CRB1: variants seen among roughly 807,000 people sequenced by gnomAD.
The protein encoded by CRB1 is protein crumbs homolog 1.
CRB1 carries 83 observed loss-of-function variants against 120.0 expected under a neutral mutation model. That is an observed-to-expected ratio of 0.69 (90% CI 0.58 to 0.83). The LOEUF (loss-of-function observed/expected upper bound fraction) is 0.83. CRB1 is among the 40% of genes least tolerant of loss of function. The pLI is 0.00. For missense variants in CRB1, 1,699 were observed against 1,687.6 expected (o/e 1.01, Z -0.12); for synonymous variants, 625 against 612.5 (o/e 1.02, Z -0.30).
At chr1:197,332,234 A>G (rs1658901646) in intron 2 of CRB1, among the ~76,000 whole-genome samples, 2 of 152,158 alleles carry the variant, frequency 1.3e-5, no homozygotes, top group Non-Finnish European at 2.9e-5. Context: ...ATCATAAGGC[A>G]CTTCACCTTA....
chr1:197,377,270 A>G (rs770475965), intron 5 of CRB1, among the ~76,000 whole-genome samples: 1 of 152,126 alleles, frequency 6.6e-6, no homozygotes, highest in Non-Finnish European at 1.5e-5. Flanking sequence ...ATTGTCCACC[A>G]TGAAATAGAC....
chr1:197,315,808 A>T (rs747551792), intron 1 of CRB1, among the ~76,000 whole-genome samples: 37 of 152,230 alleles, frequency 2.4e-4, no homozygotes, highest in Non-Finnish European at 1.2e-4. Context: ...GTTTTGGGTG[A>T]ATTCAGTATC....
rs945261009 is a variant in CRB1 at position 197,336,584 on chromosome 1, A to G, written c.652+7581A>G. 2.6e-5 allele frequency among the ~76,000 whole-genome samples: 4 copies of G among 152,334 alleles called. No homozygotes were observed. In the East Asian group the frequency reaches 7.7e-4, roughly 29 times the overall value. On this transcript the variant is annotated intron_variant, in intron 2 of 11. Transcript: ENST00000367400. ...AGAGTCATTTGAAGTAGTTTTTATGAATAAATGAAGTTTCCAGGTTTTGAC... is the reference window on the plus strand; with the variant it reads ...AGAGTCATTTGAAGTAGTTTTTATGGATAAATGAAGTTTCCAGGTTTTGAC...
rs141907831 is a variant in CRB1, at chr1:197,349,838, C to T, written c.988+2359C>T. Reference sequence around the variant, plus strand: ...AAATTTGGCTGGGCGCGGTGGCTCACGCCTGTAATCCCAGCACTTTGGGAG... The same window carrying T: ...AAATTTGGCTGGGCGCGGTGGCTCATGCCTGTAATCCCAGCACTTTGGGAG... On this transcript the variant is annotated intron_variant, in intron 4 of 11. Transcript: ENST00000367400. Among the ~76,000 whole-genome samples the T allele has an allele frequency of 2.9e-3, 441 of 152,156 alleles. 5 individuals are homozygous for T. Among genetic ancestry groups the T allele is most frequent in the African/African-American group, 0.01 (418 of 41,512 alleles).
intron 1 of CRB1, among the ~76,000 whole-genome samples, chr1:197,295,823 G>A (rs1014786958): frequency 4.9e-4 from 74 of 152,072 alleles, no homozygotes; most frequent in Non-Finnish European, 5.9e-5. Context: ...GAGACCTTGT[G>A]TACCTAGGAT....
rs140198747 is a variant in CRB1 at position 197,333,311 on chromosome 1, T to C, written c.652+4308T>C. On this transcript the variant is annotated intron_variant, in intron 2 of 11. Transcript: ENST00000367400. ...ACTGAAGAGGCTGGTGAGAATCTGC[T>C]GTGCATAAGCAAAAACTCCAATTGA... 1.5e-4 allele frequency among the ~76,000 whole-genome samples: 23 copies of C among 152,342 alleles called. 1 individual carries two copies. In the East Asian group the frequency reaches 4.0e-3, roughly 27 times the overall value.
At chr1:197,222,393 G>T in the CRB1 span, 3 of 765,932 alleles carry the variant, frequency 3.9e-6, no homozygotes, top group South Asian at 4.0e-5. Context: ...TTCTTGGCCA[G>T]GACTTGCAGT....
At chr1:197,363,998 G>A (rs1571400180) in intron 5 of CRB1, 11 of 1,387,016 alleles carry the variant, frequency 7.9e-6, no homozygotes, top group East Asian at 4.6e-5. Context: ...GAAAAGTGCC[G>A]GCGGATCTAC....
intron 1 of CRB1, among the ~76,000 whole-genome samples, chr1:197,326,700 A>T (rs192832719): frequency 5.3e-5 from 8 of 152,154 alleles, no homozygotes; most frequent in Middle Eastern, 6.8e-3. Context: ...CTTGCAAAAA[A>T]CAAGGGAGCT....
chr1:197,289,592 A>G (rs374615752), intron 1 of CRB1, among the ~76,000 whole-genome samples: 2 of 151,946 alleles, frequency 1.3e-5, no homozygotes, highest in East Asian at 1.9e-4. Flanking sequence ...CACTTTGAAT[A>G]TGGTCTCTTC....
intron 11 of CRB1, among the ~76,000 whole-genome samples, chr1:197,445,510 T>C (rs1167621205): frequency 6.6e-6 from 1 of 152,224 alleles, no homozygotes; most frequent in African/African-American, 2.4e-5. Context: ...TCTTTTCAAT[T>C]ATCTTTTTTC....
intron 5 of CRB1, among the ~76,000 whole-genome samples, chr1:197,370,671 T>C (rs1426715726): frequency 6.6e-6 from 1 of 152,202 alleles, no homozygotes; most frequent in African/African-American, 2.4e-5. Flanking sequence ...AAAAGCAATG[T>C]TAAGAGGAAA....
chr1:197,294,898 G>A (rs1427731571), intron 1 of CRB1, among the ~76,000 whole-genome samples: 4 of 152,064 alleles, frequency 2.6e-5, no homozygotes, highest in Admixed American at 2.0e-4. Context: ...ACACACCAGA[G>A]CCTGTCGTGG....
chr1:197,472,148 C>T (rs770553256), intron 11 of CRB1, among the ~76,000 whole-genome samples: 6 of 152,112 alleles, frequency 3.9e-5, no homozygotes, highest in African/African-American at 1.4e-4. Flanking sequence ...GTTTCAGAAA[C>T]GCACATATTG....
intron 1 of CRB1, among the ~76,000 whole-genome samples, chr1:197,307,196 A>C (rs919720440): frequency 4.6e-5 from 7 of 152,170 alleles, no homozygotes; most frequent in African/African-American, 1.7e-4. Flanking sequence ...ACTGATAGTA[A>C]AACTTCAGAC....
At chr1:197,358,475 G>A (rs746722879) in intron 5 of CRB1, among the ~76,000 whole-genome samples, 8 of 152,148 alleles carry the variant, frequency 5.3e-5, no homozygotes, top group Admixed American at 1.3e-4. Context: ...AAAGTGTTGG[G>A]CTTGATTTCT....
the CRB1 span, among the ~76,000 whole-genome samples, chr1:197,223,618 ACTT>A: frequency 6.6e-6 from 1 of 152,334 alleles, no homozygotes; most frequent in African/African-American, 2.4e-5. Context: ...TGAATGTTTA[ACTT>A]CTTTACACAG....
At chr1:197,207,367 T>C in the CRB1 span, among the ~76,000 whole-genome samples, 1 of 152,156 alleles carries the variant, frequency 6.6e-6, no homozygotes, top group Non-Finnish European at 1.5e-5. Context: ...TGAGGATTTG[T>C]TCCAAGATTT....
intron 1 of CRB1, among the ~76,000 whole-genome samples, chr1:197,309,327 C>CAG (rs1410494250): frequency 1.3e-5 from 2 of 152,164 alleles, no homozygotes; most frequent in African/African-American, 4.8e-5. Context: ...CACACACACA[C>CAG]ATACACACAG....
Sources: allele counts gnomAD v4.1 joint callset (sites outside exome capture counted in the v4.1 genomes callset), GRCh38; gene constraint gnomAD v4.1.1; transcripts MANE v1.5; gene names NCBI Gene and HGNC (gene_info 2026-07-23, HGNC 2026-07-21).